MBNL2: variants seen among roughly 807,000 people sequenced by gnomAD.
The protein encoded by MBNL2 is muscleblind-like protein 2.
Under a neutral mutation model 41.9 loss-of-function variants are expected in MBNL2, and 17 were observed. The ratio of observed to expected loss-of-function variants is 0.41; its 90% CI spans 0.28 to 0.61. The LOEUF is 0.61. MBNL2 is among the 20% of genes least tolerant of loss of function. MBNL2 has a pLI of 0.35. For missense variants in MBNL2, 336 were observed against 505.6 expected (o/e 0.66, Z 3.22); for synonymous variants, 195 against 182.9 (o/e 1.07, Z -0.53).
intron 5 of MBNL2, among the ~76,000 whole-genome samples, chr13:97,350,401 A>G (rs964053026): frequency 2.0e-5 from 3 of 152,198 alleles, no homozygotes; most frequent in Non-Finnish European, 2.9e-5. Flanking sequence ...ATTTCTTAAA[A>G]ATACAATTTC....
chr13:97,146,944 A>T, the MBNL2 span, among the ~76,000 whole-genome samples: 1 of 152,210 alleles, frequency 6.6e-6, no homozygotes, highest in African/African-American at 2.4e-5. Flanking sequence ...GGTTCCTGCT[A>T]TGCTATGGAC....
intron 8 of MBNL2, among the ~76,000 whole-genome samples, chr13:97,371,461 G>A (rs2064369052): frequency 6.6e-6 from 1 of 152,104 alleles, no homozygotes; most frequent in South Asian, 2.1e-4. Flanking sequence ...ATCAAGTTCA[G>A]CTGGAGAATA....
intron 2 of MBNL2, among the ~76,000 whole-genome samples, chr13:97,306,587 C>CCA (rs1209779477): frequency 6.6e-6 from 1 of 152,224 alleles, no homozygotes; most frequent in Non-Finnish European, 1.5e-5. Context: ...TGGGACTGGA[C>CCA]CACCAGTGTG....
the MBNL2 span, among the ~76,000 whole-genome samples, chr13:97,144,201 C>G: frequency 6.6e-6 from 1 of 151,966 alleles, no homozygotes; most frequent in Non-Finnish European, 1.5e-5. Context: ...AGCGGCTGCT[C>G]TGTCTGAGCC....
intron 2 of MBNL2, among the ~76,000 whole-genome samples, chr13:97,309,008 C>A (rs866465143): frequency 1.3e-5 from 2 of 152,094 alleles, no homozygotes; most frequent in Non-Finnish European, 2.9e-5. Context: ...AGTAAGAGGG[C>A]AGTCTGTGCA....
At chr13:97,223,887 T>C (rs1384618640) in intron 1 of MBNL2, among the ~76,000 whole-genome samples, 1 of 152,202 alleles carries the variant, frequency 6.6e-6, no homozygotes, top group Non-Finnish European at 1.5e-5. Context: ...CCCCCAACTA[T>C]TTCTGCTGTG....
At chr13:97,361,058 G>C (rs534360568) in intron 7 of MBNL2, among the ~76,000 whole-genome samples, 1 of 152,240 alleles carries the variant, frequency 6.6e-6, no homozygotes, top group South Asian at 2.1e-4. Flanking sequence ...GTATGTTCTG[G>C]GTTCCAGAGC....
In MBNL2 at chr13:97,353,054, C is replaced by T. The variant is rs143343417; in HGVS notation, c.805-3742C>T. Among the ~76,000 whole-genome samples, 1,312 of 152,314 alleles carry T rather than the reference C, an allele frequency of 8.6e-3. 18 individuals carry two copies. Among genetic ancestry groups the T allele is most frequent in the African/African-American group, 0.027 (1,135 of 41,564 alleles). ...GTACTCTTCTGTGTACCCTTCTACA[C>T]ATTTTCACATTACATTCATGGTTAC... is the stretch of plus-strand genomic sequence containing the variant. On this transcript the variant is annotated intron_variant, in intron 5 of 8. Transcript: ENST00000679496.
chr13:97,148,651 A>T, the MBNL2 span, among the ~76,000 whole-genome samples: 1 of 152,200 alleles, frequency 6.6e-6, no homozygotes. Context: ...AAAAGAAAAA[A>T]ATGATCATGC....
chr13:97,332,946 T>C (rs2060551014), intron 2 of MBNL2, among the ~76,000 whole-genome samples: 1 of 152,200 alleles, frequency 6.6e-6, no homozygotes. Flanking sequence ...TGCCCGGGAC[T>C]GAACACAGGG....
intron 3 of MBNL2, among the ~76,000 whole-genome samples, chr13:97,337,566 C>T (rs758999137): frequency 1.5e-4 from 23 of 152,132 alleles, no homozygotes; most frequent in Non-Finnish European, 2.9e-4. Flanking sequence ...AGACTGAGGA[C>T]CCCCAAAAGT....
intron 1 of MBNL2, among the ~76,000 whole-genome samples, chr13:97,243,700 CTT>C (rs1489314706): frequency 6.6e-6 from 1 of 152,190 alleles, no homozygotes; most frequent in Non-Finnish European, 1.5e-5. Context: ...GTTTCTTTTT[CTT>C]TTCTCTTTTT....
the MBNL2 span, among the ~76,000 whole-genome samples, chr13:97,153,382 TTC>T: frequency 2.0e-5 from 3 of 152,066 alleles, no homozygotes; most frequent in East Asian, 5.8e-4. Flanking sequence ...AAGTTTAGTC[TTC>T]TATAAAGAGT....
intron 7 of MBNL2, among the ~76,000 whole-genome samples, chr13:97,361,705 C>A (rs2063403674): frequency 6.6e-6 from 1 of 151,562 alleles, no homozygotes; most frequent in African/African-American, 2.4e-5. Context: ...CTCCAAGACA[C>A]CCCCCTCCAC....
At chr13:97,221,129 T>G (rs145930934), upstream of MBNL2, among the ~76,000 whole-genome samples, 3 of 152,358 alleles carry the variant, frequency 2.0e-5, no homozygotes, top group East Asian at 5.8e-4. Flanking sequence ...AGCATTCCAT[T>G]GCATTCTGTT....
At chr13:97,269,076 G>A (rs1025214187) in intron 1 of MBNL2, among the ~76,000 whole-genome samples, 1 of 152,126 alleles carries the variant, frequency 6.6e-6, no homozygotes, top group African/African-American at 2.4e-5. Flanking sequence ...AAATGCCTGA[G>A]GAGAAAAAGG....
the MBNL2 span, among the ~76,000 whole-genome samples, chr13:97,213,565 T>A: frequency 6.6e-6 from 1 of 152,272 alleles, no homozygotes; most frequent in Middle Eastern, 3.4e-3. Context: ...CTGGGTCCTT[T>A]TCTTCAGAAA....
chr13:97,314,259 C>CT (rs1306904688), intron 2 of MBNL2, among the ~76,000 whole-genome samples: 1 of 152,202 alleles, frequency 6.6e-6, no homozygotes, highest in Admixed American at 6.5e-5. Context: ...ATCAGACCTG[C>CT]TGCCTGCCCC....
At chr13:97,277,817 T>C (rs908380975) in intron 2 of MBNL2, among the ~76,000 whole-genome samples, 6 of 152,206 alleles carry the variant, frequency 3.9e-5, no homozygotes, top group African/African-American at 1.4e-4. Context: ...AAAATGGAAA[T>C]GAATAGATGG....
Sources: allele counts gnomAD v4.1 joint callset (sites outside exome capture counted in the v4.1 genomes callset), GRCh38; gene constraint gnomAD v4.1.1; transcripts MANE v1.5; gene names NCBI Gene and HGNC (gene_info 2026-07-23, HGNC 2026-07-21).